Variants in TDRD5 observed in about 807,000 individuals in gnomAD.
TDRD5 encodes the protein tudor domain-containing protein 5.
Under a neutral mutation model 120.6 loss-of-function variants are expected in TDRD5, and 41 were observed. That is an observed-to-expected ratio of 0.34 (90% CI 0.26 to 0.44). TDRD5 has a LOEUF of 0.44. TDRD5 is among the 20% of genes least tolerant of loss of function. The pLI is 1.00. For synonymous variants in TDRD5, 430 were observed against 433.7 expected (o/e 0.99, Z 0.11); for missense variants, 1,006 against 1,221.2 (o/e 0.82, Z 2.63).
At chr1:179,663,108 A>G (rs891027738) in intron 15 of TDRD5, among the ~76,000 whole-genome samples, 2 of 152,258 alleles carry the variant, frequency 1.3e-5, no homozygotes, top group Admixed American at 1.3e-4. Context: ...CATGAAAAAG[A>G]TATTAAAGGA....
intron 17 of TDRD5, among the ~76,000 whole-genome samples, chr1:179,678,371 A>G (rs1486076502): frequency 6.6e-6 from 1 of 152,140 alleles, no homozygotes; most frequent in African/African-American, 2.4e-5. Context: ...ACAGTTTTTC[A>G]GCATCTCAGG....
rs181448173 is a variant in TDRD5, at chr1:179,679,218, G to A, written c.2860+9814G>A. ...CTTACATTCCTGGGATAATGCCCTC[G>A]TGGTCATGATATACTATCCATTTTA... On this transcript the variant is annotated intron_variant, in intron 17 of 17. Coordinates refer to ENST00000444136, the MANE Select transcript of TDRD5 (RefSeq NM_001199085.3). Among the ~76,000 whole-genome samples, 199 of 147,206 alleles carry A rather than the reference G, an allele frequency of 1.4e-3. 1 individual carries two copies. Among genetic ancestry groups the A allele is most frequent in the African/African-American group, 3.1e-3 (114 of 36,824 alleles).
chr1:179,651,640 G>A (rs1381805939), intron 12 of TDRD5, among the ~76,000 whole-genome samples: 3 of 152,178 alleles, frequency 2.0e-5, no homozygotes, highest in Non-Finnish European at 4.4e-5. Flanking sequence ...TAGGCTGGGC[G>A]TGGTGGCTCA....
In TDRD5 at chr1:179,662,289, T is replaced by C; in HGVS notation, c.2505+3T>C. 1 of 1,601,258 alleles carries C rather than the reference T, an allele frequency of 6.2e-7. No individual in the cohort carries two copies. Among genetic ancestry groups the C allele is most frequent in the South Asian group, 1.1e-5 (1 of 88,912 alleles). On this transcript the variant is annotated splice_donor_region_variant and intron_variant, in intron 15 of 17. Coordinates refer to ENST00000444136, the MANE Select transcript of TDRD5 (RefSeq NM_001199085.3). ...CATGTAAAGAAATGCCACAGAAGGT[T>C]AGATCCTTGGAAAAATAGAAAGCAA...
chr1:179,615,329 A>G (rs774192113), intron 4 of TDRD5, among the ~76,000 whole-genome samples: 1 of 152,174 alleles, frequency 6.6e-6, no homozygotes, highest in Non-Finnish European at 1.5e-5. Context: ...TTATAATTTG[A>G]TGGGCAAATA....
intron 4 of TDRD5, among the ~76,000 whole-genome samples, chr1:179,614,105 T>C (rs1676433198): frequency 6.6e-6 from 1 of 152,162 alleles, no homozygotes; most frequent in African/African-American, 2.4e-5. Flanking sequence ...AAAAGTAATA[T>C]AGATTGATTA....
At chr1:179,625,413 A>G (rs575221622) in intron 6 of TDRD5, among the ~76,000 whole-genome samples, 6 of 152,310 alleles carry the variant, frequency 3.9e-5, no homozygotes, top group Admixed American at 2.6e-4. Context: ...TTACAATCAT[A>G]CATCTAACAA....
rs11428251 is a variant in TDRD5 at position 179,623,625 on chromosome 1, C to CTTTTT, written c.972+2552_972+2556dup. ...AGCAGAGAATATTCTCCAACTCATT[C>CTTTTT]TTTTTTTTTTTTTTTTTTTTTTCCT... On this transcript the variant is annotated intron_variant, in intron 6 of 17. Coordinates refer to ENST00000444136, the MANE Select transcript of TDRD5 (RefSeq NM_001199085.3). Among the ~76,000 whole-genome samples the CTTTTT allele has an allele frequency of 4.9e-3, 476 of 97,728 alleles. 8 individuals are homozygous for CTTTTT. The highest frequency in any genetic ancestry group is 7.1e-3 in the Non-Finnish European group (371 of 52,318). The allele number at this position is 97,728 out of a possible 152,430, so 64.1% of individuals were successfully genotyped here. A position where few individuals can be genotyped will look rare whatever the true frequency, so the allele number is the denominator to read the frequency against.
At chr1:179,672,694 T>C (rs1389573726) in intron 17 of TDRD5, among the ~76,000 whole-genome samples, 1 of 152,182 alleles carries the variant, frequency 6.6e-6, no homozygotes, top group Admixed American at 6.5e-5. Flanking sequence ...GAAGGGTTTT[T>C]CCAATGTTAT....
intron 16 of TDRD5, among the ~76,000 whole-genome samples, chr1:179,666,955 G>C (rs973302947): frequency 6.6e-6 from 1 of 152,210 alleles, no homozygotes; most frequent in Non-Finnish European, 1.5e-5. Context: ...CCAAACAACT[G>C]TGAGGGAGTC....
intron 14 of TDRD5, among the ~76,000 whole-genome samples, chr1:179,656,366 T>C (rs12564117): frequency 0.38 from 57,846 of 152,038 alleles, 11,054 homozygotes; most frequent in East Asian, 0.47. Context: ...CAAAAATATT[T>C]TCTCACTTGT....
At chr1:179,597,998 T>G (rs1675496689) in intron 4 of TDRD5, among the ~76,000 whole-genome samples, 1 of 152,202 alleles carries the variant, frequency 6.6e-6, no homozygotes, top group African/African-American at 2.4e-5. Flanking sequence ...AGAAGTGTGT[T>G]GTTAGGTGAT....
Position 179,602,465 on chromosome 1 carries a change from G to C in TDRD5, c.831+6647G>C, listed in dbSNP as rs1675767248. On this transcript the variant is annotated intron_variant, in intron 4 of 17. Transcript: ENST00000444136. ...AAATCCTTGCCTAAGCCAATGTCTA[G>C]AAGGGTTTTTCCAATGTTATCTTCT... Among the ~76,000 whole-genome samples the C allele has an allele frequency of 2.0e-5, 3 of 152,116 alleles. No individual in the cohort carries two copies. In the South Asian group the frequency reaches 6.2e-4, roughly 32 times the overall value.
chr1:179,619,315 A>C (rs1432599836), intron 5 of TDRD5, among the ~76,000 whole-genome samples: 2 of 152,054 alleles, frequency 1.3e-5, no homozygotes, highest in African/African-American at 2.4e-5. Flanking sequence ...AGTCACATAT[A>C]TTTTTTATGT....
chr1:179,614,647 C>T (rs1676468665), intron 4 of TDRD5, among the ~76,000 whole-genome samples: 2 of 152,050 alleles, frequency 1.3e-5, no homozygotes, highest in Admixed American at 6.6e-5. Flanking sequence ...TGCTGGTACT[C>T]AGTACAAATG....
At chr1:179,657,797 T>C (rs1171958925) in intron 14 of TDRD5, among the ~76,000 whole-genome samples, 1 of 152,332 alleles carries the variant, frequency 6.6e-6, no homozygotes, top group East Asian at 1.9e-4. Context: ...CACTGTAGCA[T>C]GTATAAGTCA....
intron 11 of TDRD5, among the ~76,000 whole-genome samples, chr1:179,643,494 A>C (rs1256172671): frequency 6.6e-6 from 1 of 152,226 alleles, no homozygotes. Context: ...ACAGAGAAGG[A>C]ATTTCTGCAG....
chr1:179,652,314 A>G, intron 13 of TDRD5, 117 bp downstream of exon 13: 1 of 1,004,620 alleles, frequency 1.0e-6, no homozygotes, highest in African/African-American at 1.7e-5. Flanking sequence ...TTGCACAGTG[A>G]TCTTAACAAT....
chr1:179,670,286 G>A (rs1423841621), intron 17 of TDRD5, among the ~76,000 whole-genome samples: 3 of 152,042 alleles, frequency 2.0e-5, no homozygotes. Context: ...GCTACTTGGG[G>A]GAGGCTGAGG....
Sources: gnomAD v4.1 joint callset for allele counts (sites outside exome capture counted in the v4.1 genomes callset) on GRCh38, gnomAD v4.1.1 for gene constraint, MANE v1.5 for transcripts, NCBI Gene and HGNC (gene_info 2026-07-23, HGNC 2026-07-21) for gene names.